Variants in NR3C2 observed in about 807,000 individuals in gnomAD.
NR3C2 encodes nuclear receptor subfamily 3 group C member 2, also known as mineralocorticoid receptor.
A neutral mutation model predicts 86.4 loss-of-function variants in NR3C2; 15 were observed. That is an observed-to-expected ratio of 0.17 (90% CI 0.12 to 0.27). The LOEUF (loss-of-function observed/expected upper bound fraction) is 0.27. Among genes scored for constraint, NR3C2 ranks in the 10% least tolerant of loss-of-function variants. The pLI, the probability that NR3C2 is intolerant of heterozygous loss-of-function variation, is 1.00. For missense variants in NR3C2, 960 were observed against 1,195.6 expected (o/e 0.80, Z 2.91); for synonymous variants, 458 against 450.5 (o/e 1.02, Z -0.21).
chr4:148,430,539 T>C lies in NR3C2; in HGVS notation c.1757+4565A>G, dbSNP rs559410893. Reference sequence around the variant, plus strand: ...TATTTAAAATATTTACCTGGTGAAATTCTAGGTACATTAGCAATTTCAAAA... The same window carrying C: ...TATTTAAAATATTTACCTGGTGAAACTCTAGGTACATTAGCAATTTCAAAA... On this transcript the variant is annotated intron_variant, in intron 2 of 8. Transcript: ENST00000358102. 6.6e-5 allele frequency among the ~76,000 whole-genome samples: 10 copies of C among 152,278 alleles called. No homozygotes were observed. In the East Asian group the frequency reaches 1.9e-3, roughly 29 times the overall value.
At chr4:148,407,259 A>G (rs1748472378) in intron 2 of NR3C2, among the ~76,000 whole-genome samples, 1 of 152,206 alleles carries the variant, frequency 6.6e-6, no homozygotes, top group Non-Finnish European at 1.5e-5. Flanking sequence ...GGAAGATGGC[A>G]TTTATAATAC....
intron 2 of NR3C2, among the ~76,000 whole-genome samples, chr4:148,433,160 G>T (rs796164436): frequency 5.9e-5 from 9 of 152,200 alleles, no homozygotes; most frequent in African/African-American, 2.2e-4. Context: ...CATCAGGAGG[G>T]CTTCTTGAGT....
intron 2 of NR3C2, among the ~76,000 whole-genome samples, chr4:148,269,653 A>G (rs1057501201): frequency 2.0e-5 from 3 of 152,148 alleles, no homozygotes; most frequent in African/African-American, 7.2e-5. Context: ...ACCCCCCCAA[A>G]AAAACAAAAC....
At chr4:148,324,152 T>C (rs1478551323) in intron 2 of NR3C2, among the ~76,000 whole-genome samples, 2 of 152,220 alleles carry the variant, frequency 1.3e-5, no homozygotes, top group African/African-American at 4.8e-5. Context: ...AGAAAGACTA[T>C]ACATCCTTAA....
At chr4:148,249,729 G>A (rs1350664509) in intron 3 of NR3C2, among the ~76,000 whole-genome samples, 1 of 152,146 alleles carries the variant, frequency 6.6e-6, no homozygotes, top group African/African-American at 2.4e-5. Context: ...TGAGGTATAA[G>A]AATTCACTGT....
chr4:148,273,551 C>T (rs1390101372), intron 2 of NR3C2, among the ~76,000 whole-genome samples: 1 of 151,630 alleles, frequency 6.6e-6, no homozygotes, highest in African/African-American at 2.4e-5. Flanking sequence ...TAAAACTTAC[C>T]CAAACTGAAA....
At chr4:148,417,343 A>G (rs868294935) in intron 2 of NR3C2, among the ~76,000 whole-genome samples, 2 of 152,178 alleles carry the variant, frequency 1.3e-5, no homozygotes, top group South Asian at 2.1e-4. Context: ...CTCTTCTTAT[A>G]AAGACTTATA....
intron 2 of NR3C2, among the ~76,000 whole-genome samples, chr4:148,380,123 T>G (rs1448608391): frequency 6.6e-6 from 1 of 152,236 alleles, no homozygotes; most frequent in African/African-American, 2.4e-5. Flanking sequence ...CTTTAAAGTG[T>G]GTAATTCAGT....
chr4:148,165,344 T>C (rs886146142), intron 4 of NR3C2, among the ~76,000 whole-genome samples: 2 of 152,174 alleles, frequency 1.3e-5, no homozygotes, highest in Non-Finnish European at 2.9e-5. Flanking sequence ...TTTCAGAATT[T>C]TTTTTTATGA....
intron 8 of NR3C2, 52 bp downstream of exon 8, chr4:148,114,052 T>C: frequency 2.5e-6 from 4 of 1,600,126 alleles, no homozygotes; most frequent in Non-Finnish European, 3.4e-6. Context: ...GTCAGCAGTG[T>C]GTATGTGGTT....
chr4:148,129,257 C>T (rs1283577073), intron 6 of NR3C2, among the ~76,000 whole-genome samples: 4 of 152,270 alleles, frequency 2.6e-5, no homozygotes, highest in Admixed American at 6.5e-5. Context: ...AAATGGAATA[C>T]GCCTGTCAGA....
chr4:148,434,720 A>G (rs1219797136), intron 2 of NR3C2, among the ~76,000 whole-genome samples: 3 of 152,206 alleles, frequency 2.0e-5, no homozygotes, highest in African/African-American at 4.8e-5. Context: ...CCACAAATAA[A>G]CTAACTTAAA....
intron 6 of NR3C2, among the ~76,000 whole-genome samples, chr4:148,134,640 T>TTTTTTTTTTG (rs1733199087): frequency 8.7e-6 from 1 of 114,396 alleles, no homozygotes; most frequent in African/African-American, 4.1e-5. Flanking sequence ...TCTCTCTCTC[T>TTTTTTTTTTG]CTCTTTTTTT....
In NR3C2 at chr4:148,154,912, C is replaced by A; in HGVS notation, c.2015-11G>T. The A allele has an allele frequency of 6.5e-7, 1 of 1,547,156 alleles. No individual in the cohort carries two copies. Among genetic ancestry groups the A allele is most frequent in the Non-Finnish European group, 8.7e-7 (1 of 1,144,394 alleles). The stretch of plus-strand genomic sequence containing the variant: ...TCTTTGACTTTCGTGCTATAAGAAA[C>A]CATAAATGATAAGGCCAAATTAAAA... On this transcript the variant is annotated splice_polypyrimidine_tract_variant and intron_variant, in intron 4 of 8. Transcript: ENST00000358102.
At chr4:148,257,337 CT>C (rs1182982545) in intron 3 of NR3C2, among the ~76,000 whole-genome samples, 2 of 152,190 alleles carry the variant, frequency 1.3e-5, no homozygotes, top group East Asian at 3.8e-4. Flanking sequence ...GCTTAGATCA[CT>C]TCCTTTATTA....
chr4:148,090,008 C>A lies in NR3C2; in HGVS notation c.2800-8509G>T, dbSNP rs1210781426. ...CACCACAAGGACGAGTGTCTGGTGG[C>A]CACACCTTTCACATTTCTAGAATTA... On this transcript the variant is annotated intron_variant, in intron 8 of 8. Transcript: ENST00000358102. 2.6e-5 allele frequency among the ~76,000 whole-genome samples: 4 copies of A among 152,334 alleles called. No individual in the cohort carries two copies. In the East Asian group the frequency reaches 7.7e-4, roughly 29 times the overall value.
At chr4:148,184,870 G>A (rs1465242430) in intron 4 of NR3C2, among the ~76,000 whole-genome samples, 2 of 152,184 alleles carry the variant, frequency 1.3e-5, no homozygotes, top group Non-Finnish European at 2.9e-5. Flanking sequence ...AGAGACACCA[G>A]AAAAGGAGCT....
chr4:148,417,312 C>T (rs1267183379), intron 2 of NR3C2, among the ~76,000 whole-genome samples: 1 of 152,156 alleles, frequency 6.6e-6, no homozygotes, highest in Admixed American at 6.5e-5. Context: ...TGCGTGCACA[C>T]ACGTACTTCC....
At chr4:148,130,814 GTTTTGTTTTTTT>G (rs1732998860) in intron 6 of NR3C2, among the ~76,000 whole-genome samples, 2 of 77,054 alleles carry the variant, frequency 2.6e-5, no homozygotes, top group Non-Finnish European at 5.5e-5. Flanking sequence ...GTTTTGTTTT[GTTTTGTTTTTTT>G]TTTTTTTTTT....
Sources: gnomAD v4.1 joint callset for allele counts (sites outside exome capture counted in the v4.1 genomes callset) on GRCh38, gnomAD v4.1.1 for gene constraint, MANE v1.5 for transcripts, NCBI Gene and HGNC (gene_info 2026-07-23, HGNC 2026-07-21) for gene names.